The following PRIM2 variants were observed in gnomAD, a reference collection of about 807,000 sequenced individuals.
PRIM2 encodes DNA primase large subunit.
Under a neutral mutation model 67.3 loss-of-function variants are expected in PRIM2, and 39 were observed. That is an observed-to-expected ratio of 0.58 (90% CI 0.45 to 0.76). The LOEUF (loss-of-function observed/expected upper bound fraction) is 0.76. PRIM2 is among the 30% of genes least tolerant of loss of function. The pLI is 0.00. For synonymous variants in PRIM2, 143 were observed against 198.7 expected (o/e 0.72, Z 2.36); for missense variants, 398 against 598.7 (o/e 0.66, Z 3.50).
At chr6:57,422,659 CAG>C (rs909175907) in intron 7 of PRIM2, among the ~76,000 whole-genome samples, 1 of 151,834 alleles carries the variant, frequency 6.6e-6, no homozygotes, top group African/African-American at 2.4e-5. Flanking sequence ...ACAAATGTAT[CAG>C]AATTTCAGTG....
At chr6:57,504,064 G>A (rs1774201125) in intron 7 of PRIM2, among the ~76,000 whole-genome samples, 1 of 152,196 alleles carries the variant, frequency 6.6e-6, no homozygotes, top group Admixed American at 6.5e-5. Flanking sequence ...TTAGGTGAAG[G>A]CTTCTGGCCA....
chr6:57,577,636 C>T (rs1405584145), intron 10 of PRIM2, among the ~76,000 whole-genome samples: 2 of 152,032 alleles, frequency 1.3e-5, no homozygotes, highest in African/African-American at 2.4e-5. Context: ...ACCATATTGG[C>T]CAGACTGGTC....
intron 7 of PRIM2, among the ~76,000 whole-genome samples, chr6:57,386,584 G>A (rs1355955042): frequency 6.6e-6 from 1 of 151,300 alleles, no homozygotes; most frequent in African/African-American, 2.4e-5. Flanking sequence ...CTGGTTGAGA[G>A]GAGGTCCAGA....
intron 5 of PRIM2, among the ~76,000 whole-genome samples, chr6:57,379,172 T>G (rs1246696208): frequency 1.8e-5 from 2 of 112,650 alleles, no homozygotes; most frequent in African/African-American, 6.9e-5. Context: ...TAATTTAGCA[T>G]TTATTATTTT....
chr6:57,638,457 A>G (rs1242708112), intron 13 of PRIM2, among the ~76,000 whole-genome samples: 1 of 151,990 alleles, frequency 6.6e-6, no homozygotes, highest in Admixed American at 6.6e-5. Flanking sequence ...TAGACTGGCA[A>G]ATTGGATGAA....
the PRIM2 span, among the ~76,000 whole-genome samples, chr6:57,305,630 T>C: frequency 6.6e-6 from 1 of 152,256 alleles, no homozygotes; most frequent in East Asian, 1.9e-4. Flanking sequence ...GAAATTGTAA[T>C]TGAAAGTAGT....
chr6:57,340,080 A>G (rs1768416507), intron 5 of PRIM2, among the ~76,000 whole-genome samples: 1 of 152,230 alleles, frequency 6.6e-6, no homozygotes, highest in Admixed American at 6.5e-5. Context: ...GAAGACATTT[A>G]TGCAGCCAAA....
the PRIM2 span, among the ~76,000 whole-genome samples, chr6:57,261,081 C>T: frequency 6.6e-6 from 1 of 152,148 alleles, no homozygotes; most frequent in Admixed American, 6.5e-5. Flanking sequence ...TCATTTCCCT[C>T]ATGCTTTTCT....
At chr6:57,370,836 T>G (rs1581836301) in intron 5 of PRIM2, among the ~76,000 whole-genome samples, 1 of 151,974 alleles carries the variant, frequency 6.6e-6, no homozygotes. Flanking sequence ...GTAGCTGGGA[T>G]TACAGCGTGG....
chr6:57,294,151 C>T, the PRIM2 span, among the ~76,000 whole-genome samples: 1 of 152,050 alleles, frequency 6.6e-6, no homozygotes, highest in Non-Finnish European at 1.5e-5. Context: ...AGGAGGTCCA[C>T]AATATGTCAT....
At chr6:57,580,163 T>A (rs1776055109) in intron 10 of PRIM2, among the ~76,000 whole-genome samples, 1 of 152,048 alleles carries the variant, frequency 6.6e-6, no homozygotes, top group African/African-American at 2.4e-5. Flanking sequence ...CCTCATGCCT[T>A]TGAGAGGCCC....
chr6:57,643,552 A>G (rs1430443944), intron 13 of PRIM2, among the ~76,000 whole-genome samples: 3 of 152,250 alleles, frequency 2.0e-5, no homozygotes, highest in Non-Finnish European at 4.4e-5. Context: ...AAACTATTTT[A>G]CAAACTGTAA....
chr6:57,539,845 T>C (rs1429099821), intron 10 of PRIM2, among the ~76,000 whole-genome samples: 1 of 151,846 alleles, frequency 6.6e-6, no homozygotes, highest in African/African-American at 2.4e-5. Context: ...ACTACAAAAA[T>C]TAACTGGGCG....
chr6:57,540,623 T>C (rs1377989453), intron 10 of PRIM2, among the ~76,000 whole-genome samples: 182 of 152,272 alleles, frequency 1.2e-3, no homozygotes, highest in African/African-American at 3.4e-3. Flanking sequence ...GTATAAAATA[T>C]ATACTAGTCT....
rs1199457776 is a variant in PRIM2, at chr6:57,455,876, T to C, written c.694-51511T>C. Among the ~76,000 whole-genome samples, 7 of 152,358 alleles carry C rather than the reference T, an allele frequency of 4.6e-5. No individual in the cohort carries two copies. The South Asian group carries it at 1.2e-3, about 27-fold the overall frequency. On this transcript the variant is annotated intron_variant, in intron 7 of 13. Transcript: ENST00000615550. ...CTTGTTAGTTGATTCAGTTTCTTCC[T>C]AGCCTGGATGGTCTTTACAATTTGG...
intron 10 of PRIM2, among the ~76,000 whole-genome samples, chr6:57,584,641 C>CT (rs1776157182): frequency 6.6e-6 from 1 of 152,054 alleles, no homozygotes; most frequent in Non-Finnish European, 1.5e-5. Flanking sequence ...ATATGTCCTG[C>CT]TTTTTTGGAT....
chr6:57,234,628 A>G, the PRIM2 span, among the ~76,000 whole-genome samples: 1 of 116,038 alleles, frequency 8.6e-6, no homozygotes, highest in South Asian at 2.3e-4. Flanking sequence ...GGTTCAAGCG[A>G]TTCTCTTGCC....
At chr6:57,300,704 C>T in the PRIM2 span, among the ~76,000 whole-genome samples, 7 of 152,104 alleles carry the variant, frequency 4.6e-5, no homozygotes, top group East Asian at 3.9e-4. Flanking sequence ...TCTCTACTAG[C>T]GTAGTTCTGG....
chr6:57,506,625 A>G (rs1303698105), intron 7 of PRIM2, among the ~76,000 whole-genome samples: 1 of 152,054 alleles, frequency 6.6e-6, no homozygotes, highest in Non-Finnish European at 1.5e-5. Context: ...AAGCTATCTG[A>G]TTACTTTGAA....
Sources: gnomAD v4.1 joint callset for allele counts (sites outside exome capture counted in the v4.1 genomes callset) on GRCh38, gnomAD v4.1.1 for gene constraint, MANE v1.5 for transcripts, NCBI Gene and HGNC (gene_info 2026-07-23, HGNC 2026-07-21) for gene names.